MAGI2: variants seen among roughly 807,000 people sequenced by gnomAD.
MAGI2 encodes membrane-associated guanylate kinase, WW and PDZ domain-containing protein 2.
In MAGI2, 35 loss-of-function variants were observed where a neutral mutation model predicts 133.3. The ratio of observed to expected loss-of-function variants is 0.26; its 90% CI spans 0.20 to 0.35. The LOEUF (loss-of-function observed/expected upper bound fraction) is 0.35. MAGI2 is among the 10% of genes least tolerant of loss of function. MAGI2 has a pLI of 1.00. For synonymous variants in MAGI2, 729 were observed against 710.6 expected (o/e 1.03, Z -0.41); for missense variants, 1,636 against 1,863.4 (o/e 0.88, Z 2.25).
intron 2 of MAGI2, among the ~76,000 whole-genome samples, chr7:78,956,967 T>G (rs2115684853): frequency 6.6e-6 from 1 of 152,080 alleles, no homozygotes; most frequent in Admixed American, 6.6e-5. Flanking sequence ...TGATGGCTAT[T>G]ATTAAAGACT....
chr7:78,696,913 G>T (rs1258936504), intron 2 of MAGI2, among the ~76,000 whole-genome samples: 2 of 152,162 alleles, frequency 1.3e-5, no homozygotes, highest in Non-Finnish European at 2.9e-5. Flanking sequence ...GAACACTCCA[G>T]TTCTAGAGAC....
intron 2 of MAGI2, among the ~76,000 whole-genome samples, chr7:78,691,541 TG>T (rs1318971655): frequency 6.6e-6 from 1 of 152,178 alleles, no homozygotes; most frequent in Non-Finnish European, 1.5e-5. Context: ...TGAAATCTAA[TG>T]ACTGATGCAG....
chr7:78,371,520 G>A (rs961060953), intron 6 of MAGI2, among the ~76,000 whole-genome samples: 45 of 152,000 alleles, frequency 3.0e-4, no homozygotes, highest in African/African-American at 8.4e-4. Context: ...GCATTTCATG[G>A]TCAAAGTTTG....
chr7:78,033,130 T>A (rs1809767833), intron 21 of MAGI2, among the ~76,000 whole-genome samples: 1 of 151,934 alleles, frequency 6.6e-6, no homozygotes, highest in Non-Finnish European at 1.5e-5. Flanking sequence ...ATGTGGGTGA[T>A]CGTGATGGAG....
intron 1 of MAGI2, among the ~76,000 whole-genome samples, chr7:79,296,389 A>G (rs1836930667): frequency 6.6e-6 from 1 of 152,198 alleles, no homozygotes; most frequent in Admixed American, 6.5e-5. Flanking sequence ...GCACTCCCGT[A>G]TTTATTGTGG....
chr7:79,442,966 T>G (rs116114753), intron 1 of MAGI2, among the ~76,000 whole-genome samples: 1,870 of 151,658 alleles, frequency 0.012, 23 homozygotes, highest in African/African-American at 0.04. Flanking sequence ...AATTAGGTAT[T>G]GCAGATCAGA....
intron 2 of MAGI2, among the ~76,000 whole-genome samples, chr7:78,963,109 C>A (rs1308482919): frequency 6.6e-6 from 1 of 151,862 alleles, no homozygotes; most frequent in African/African-American, 2.4e-5. Context: ...GGATTATTCA[C>A]CTACTTTAAA....
intron 2 of MAGI2, among the ~76,000 whole-genome samples, chr7:78,829,441 A>T (rs1263986118): frequency 2.0e-5 from 3 of 151,744 alleles, no homozygotes; most frequent in African/African-American, 7.3e-5. Context: ...TTCATGGCTC[A>T]ATTAAAGAGC....
At position 78,759,066 on chromosome 7, in the gene MAGI2, A is replaced by G. The variant is rs1421386714; in HGVS notation, c.419-131827T>C. On this transcript the variant is annotated intron_variant, in intron 2 of 21. Coordinates refer to ENST00000354212, the MANE Select transcript of MAGI2 (RefSeq NM_012301.4). ...GCTTAAGGCACTCATCCACAAAGTG[A>G]TGACTTCGTGGAATGCAAATACAAC... Among the ~76,000 whole-genome samples, 4 of 152,190 alleles carry G rather than the reference A, an allele frequency of 2.6e-5. No individual in the cohort carries two copies. The East Asian group carries it at 7.7e-4, about 29-fold the overall frequency.
chr7:78,208,208 T>C (rs1354457971), intron 10 of MAGI2, among the ~76,000 whole-genome samples: 1 of 151,076 alleles, frequency 6.6e-6, no homozygotes, highest in Admixed American at 6.6e-5. Flanking sequence ...ATCCTTTCTG[T>C]ACCTTTTAAA....
intron 2 of MAGI2, among the ~76,000 whole-genome samples, chr7:78,647,550 G>A (rs965945490): frequency 6.6e-6 from 1 of 152,128 alleles, no homozygotes; most frequent in South Asian, 2.1e-4. Flanking sequence ...GTTGGTGGGA[G>A]TGTAAATTAG....
In MAGI2 at chr7:78,793,315, A is replaced by G. The variant is rs117358387; in HGVS notation, c.419-166076T>C. 5.2e-3 allele frequency among the ~76,000 whole-genome samples: 797 copies of G among 152,320 alleles called. 2 individuals carry two copies. The highest frequency in any genetic ancestry group is 0.017 in the Middle Eastern group (5 of 294). On this transcript the variant is annotated intron_variant, in intron 2 of 21. Transcript: ENST00000354212. The stretch of plus-strand genomic sequence containing the variant: ...AGGCAATTTTCCTTCCCAAAAGAAT[A>G]TTTGGCAATATCTAGAAACATTTTT...
intron 3 of MAGI2, among the ~76,000 whole-genome samples, chr7:78,620,351 A>G (rs1187390256): frequency 2.0e-5 from 3 of 152,070 alleles, no homozygotes; most frequent in Admixed American, 2.0e-4. Context: ...CTATGCTAAA[A>G]TAAAAGCTGA....
chr7:79,305,912 A>G (rs531634010), intron 1 of MAGI2, among the ~76,000 whole-genome samples: 3 of 152,158 alleles, frequency 2.0e-5, no homozygotes, highest in African/African-American at 7.2e-5. Flanking sequence ...AGTAACAAGT[A>G]AATAAATAAG....
chr7:78,235,074 TA>T (rs1790387674), intron 10 of MAGI2, among the ~76,000 whole-genome samples: 1 of 152,160 alleles, frequency 6.6e-6, no homozygotes, highest in African/African-American at 2.4e-5. Flanking sequence ...TTTTGCTTTT[TA>T]AAAAAGTCTC....
intron 1 of MAGI2, among the ~76,000 whole-genome samples, chr7:79,394,786 C>A (rs36004335): frequency 0.051 from 7,699 of 152,206 alleles, 384 homozygotes; most frequent in East Asian, 0.18. Flanking sequence ...TAATGTTTCA[C>A]TATATAATTT....
At chr7:78,211,858 T>G (rs183254603) in intron 10 of MAGI2, among the ~76,000 whole-genome samples, 1 of 152,352 alleles carries the variant, frequency 6.6e-6, no homozygotes, top group Non-Finnish European at 1.5e-5. Context: ...CTGTATGGAC[T>G]ACGACTTGTT....
At chr7:78,804,231 G>A (rs376117517) in intron 2 of MAGI2, among the ~76,000 whole-genome samples, 1 of 152,024 alleles carries the variant, frequency 6.6e-6, no homozygotes, top group Non-Finnish European at 1.5e-5. Flanking sequence ...AAAAGGCTTC[G>A]GCTTTCTTGT....
At chr7:79,214,407 C>CTCTCTCTATATA (rs1554406633) in intron 1 of MAGI2, among the ~76,000 whole-genome samples, 2 of 17,710 alleles carry the variant, frequency 1.1e-4, no homozygotes, top group African/African-American at 2.3e-4. Context: ...CTCTCTCTCT[C>CTCTCTCTATATA]TATATATATA....
Sources: allele counts gnomAD v4.1 joint callset (sites outside exome capture counted in the v4.1 genomes callset), GRCh38; gene constraint gnomAD v4.1.1; transcripts MANE v1.5; gene names NCBI Gene and HGNC (gene_info 2026-07-23, HGNC 2026-07-21).